The following CLNK variants were observed in gnomAD, a reference collection of about 807,000 sequenced individuals.
The protein encoded by CLNK is cytokine dependent hematopoietic cell linker.
CLNK carries 74 observed loss-of-function variants against 68.6 expected under a neutral mutation model. The observed-to-expected ratio is 1.08, with a 90% CI of 0.89 to 1.31. CLNK has a LOEUF of 1.31. CLNK is among the 50% of genes most tolerant of loss of function. The pLI, the probability that CLNK is intolerant of heterozygous loss-of-function variation, is 0.00. For missense variants in CLNK, 553 were observed against 515.3 expected, an observed-to-expected ratio of 1.07 and a Z score of -0.71; for synonymous variants, 198 against 172.2, an observed-to-expected ratio of 1.15 and a Z score of -1.17.
intron 2 of CLNK, among the ~76,000 whole-genome samples, chr4:10,642,826 T>A (rs1441594770): frequency 1.3e-5 from 2 of 152,162 alleles, no homozygotes; most frequent in African/African-American, 4.8e-5. Flanking sequence ...TAGAATTCCT[T>A]TAGAGCTTCT....
At chr4:10,561,672 C>G (rs1357890883) in intron 7 of CLNK, among the ~76,000 whole-genome samples, 1 of 152,186 alleles carries the variant, frequency 6.6e-6, no homozygotes, top group African/African-American at 2.4e-5. Flanking sequence ...GCTTTATGCT[C>G]TGGTGATGAG....
intron 7 of CLNK, among the ~76,000 whole-genome samples, chr4:10,560,154 CGTTTGCACACTGT>C (rs1053686430): frequency 2.0e-5 from 3 of 152,160 alleles, no homozygotes; most frequent in Admixed American, 1.3e-4. Flanking sequence ...GGTCTGCGTG[CGTTTGCACACTGT>C]GTTTACCTCC....
At chr4:10,569,271 C>A (rs1720248039) in intron 5 of CLNK, among the ~76,000 whole-genome samples, 1 of 145,780 alleles carries the variant, frequency 6.9e-6, no homozygotes, top group Non-Finnish European at 1.5e-5. Flanking sequence ...TACTGCACAA[C>A]ATTTGAGGGT....
chr4:10,680,728 T>G (rs1317944339), intron 1 of CLNK, among the ~76,000 whole-genome samples: 3 of 152,328 alleles, frequency 2.0e-5, no homozygotes, highest in Admixed American at 6.5e-5. Context: ...GTAGATATTT[T>G]TATTCCATTT....
chr4:10,660,572 C>A (rs1297572262), intron 2 of CLNK, among the ~76,000 whole-genome samples: 3 of 152,102 alleles, frequency 2.0e-5, no homozygotes, highest in African/African-American at 7.2e-5. Flanking sequence ...CTTTATTATT[C>A]TTTGTGACAT....
chr4:10,527,989 CT>C, intron 13 of CLNK, 86 bp downstream of exon 13: 1 of 706,808 alleles, frequency 1.4e-6, no homozygotes, highest in Non-Finnish European at 2.0e-6. Context: ...ACAATCAATC[CT>C]TTTTAATAAC....
At chr4:10,639,492 G>C (rs1366286240) in intron 2 of CLNK, among the ~76,000 whole-genome samples, 1 of 152,212 alleles carries the variant, frequency 6.6e-6, no homozygotes, top group Non-Finnish European at 1.5e-5. Flanking sequence ...TGAGAGCCTA[G>C]TGGGATTTCC....
chr4:10,664,611 C>G (rs1724320781), intron 2 of CLNK, among the ~76,000 whole-genome samples: 1 of 152,164 alleles, frequency 6.6e-6, no homozygotes, highest in Non-Finnish European at 1.5e-5. Context: ...TTAATGTGTC[C>G]AAGAATCAAC....
At chr4:10,683,844 G>A (rs545011937) in intron 1 of CLNK, among the ~76,000 whole-genome samples, 14 of 152,252 alleles carry the variant, frequency 9.2e-5, no homozygotes, top group South Asian at 4.1e-4. Context: ...GAGGAGCTGC[G>A]CCACAGTATA....
intron 4 of CLNK, among the ~76,000 whole-genome samples, chr4:10,581,729 G>C (rs917929046): frequency 1.3e-5 from 2 of 152,076 alleles, no homozygotes; most frequent in African/African-American, 4.8e-5. Context: ...TGAATGGATG[G>C]GTGAGTGGGT....
In CLNK at chr4:10,529,095, A is replaced by G. The variant is rs529225504; in HGVS notation, c.631-1001T>C. The stretch of plus-strand genomic sequence containing the variant: ...AAATAATTTTATGAAGTCCATTTAT[A>G]TATTGCATCAGTTGAAGAAGACCTC... On this transcript the variant is annotated intron_variant, in intron 12 of 18. Coordinates refer to ENST00000226951, the MANE Select transcript of CLNK (RefSeq NM_052964.4). Among the ~76,000 whole-genome samples, 165 of 152,322 alleles carry G rather than the reference A, an allele frequency of 1.1e-3. 1 individual carries two copies. The highest frequency in any genetic ancestry group is 3.8e-3 in the African/African-American group (156 of 41,564).
chr4:10,558,435 G>A lies in CLNK; in HGVS notation c.417C>T (p.Ser139=), dbSNP rs371671172. The change falls in exon 8 of 19, where the codon TCC becomes TCT. Residue 139 remains serine, a synonymous_variant. Transcript: ENST00000226951. ...TRLERVDKPI[S]KDVRSQNIKG... The stretch of plus-strand genomic sequence containing the variant: ...TAATGTTTTGGCTTCTGACGTCCTT[G>A]GAAATGGGTTTGTCCACCTGTACAA... The A allele has an allele frequency of 7.0e-5, 113 of 1,613,782 alleles. No individual in the cohort carries two copies. The highest frequency in any genetic ancestry group is 9.4e-5 in the Non-Finnish European group (111 of 1,179,768).
At chr4:10,510,863 C>T (rs1237062382) in intron 16 of CLNK, among the ~76,000 whole-genome samples, 2 of 152,206 alleles carry the variant, frequency 1.3e-5, no homozygotes, top group Non-Finnish European at 2.9e-5. Context: ...GCTGTCCCAC[C>T]TTTCTGGACT....
intron 4 of CLNK, 45 bp downstream of exon 4, chr4:10,584,882 A>G: frequency 6.2e-7 from 1 of 1,600,720 alleles, no homozygotes; most frequent in South Asian, 1.1e-5. Context: ...CAACAGACCC[A>G]TGCTGACATT....
At position 10,668,758 on chromosome 4, in the gene CLNK, C is replaced by T. The variant is rs1724510385; in HGVS notation, c.-42-847G>A. On this transcript the variant is annotated intron_variant, in intron 1 of 18. Coordinates refer to ENST00000226951, the MANE Select transcript of CLNK (RefSeq NM_052964.4). The stretch of plus-strand genomic sequence containing the variant: ...TGGGTTGCGGGTAGAGGAGCTGTGG[C>T]TTTCAGTTGTGGGACCTGCAGGGAG... Among the ~76,000 whole-genome samples, 6 of 152,112 alleles carry T rather than the reference C, an allele frequency of 3.9e-5. No individual in the cohort carries two copies. In the South Asian group the frequency reaches 1.2e-3, roughly 32 times the overall value.
At chr4:10,551,317 T>C (rs1719444552) in intron 8 of CLNK, among the ~76,000 whole-genome samples, 2 of 152,200 alleles carry the variant, frequency 1.3e-5, no homozygotes, top group Non-Finnish European at 2.9e-5. Flanking sequence ...TGGTCTTGGC[T>C]CACTGCAACC....
the CLNK span, among the ~76,000 whole-genome samples, chr4:10,711,273 G>A: frequency 1.3e-5 from 2 of 152,164 alleles, no homozygotes; most frequent in African/African-American, 4.8e-5. Flanking sequence ...TTTCTTCATG[G>A]AGTACAGGGC....
intron 1 of CLNK, among the ~76,000 whole-genome samples, chr4:10,677,006 A>G (rs981349316): frequency 6.7e-6 from 1 of 149,312 alleles, no homozygotes; most frequent in African/African-American, 2.5e-5. Flanking sequence ...GCTTCCATAA[A>G]TGATGGCAGA....
At chr4:10,655,328 CAAAGACAGAG>C (rs1297371597) in intron 2 of CLNK, among the ~76,000 whole-genome samples, 41 of 87,630 alleles carry the variant, frequency 4.7e-4, no homozygotes, top group African/African-American at 1.8e-3. Flanking sequence ...CTAAAACCCC[CAAAGACAGAG>C]AGAGAGAGAG....
Sources: allele counts gnomAD v4.1 joint callset (sites outside exome capture counted in the v4.1 genomes callset), GRCh38; gene constraint gnomAD v4.1.1; transcripts MANE v1.5; gene names NCBI Gene and HGNC (gene_info 2026-07-23, HGNC 2026-07-21).